NEK11: variants seen among roughly 807,000 people sequenced by gnomAD.
NEK11 encodes serine/threonine-protein kinase Nek11.
A neutral mutation model predicts 80.7 loss-of-function variants in NEK11; 72 were observed. The observed-to-expected ratio is 0.89, with a 90% CI of 0.74 to 1.08. The LOEUF (loss-of-function observed/expected upper bound fraction) is 1.08. NEK11 is among the 50% of genes least tolerant of loss of function. The probability of loss-of-function intolerance (pLI) is 0.00; values close to 1 mark genes in which losing one functional copy is unlikely to be tolerated. For missense variants in NEK11, 764 were observed against 763.6 expected (o/e 1.00, Z -0.01); for synonymous variants, 251 against 260.7 (o/e 0.96, Z 0.36).
chr3:131,084,183 C>T (rs1468106281), intron 4 of NEK11, among the ~76,000 whole-genome samples: 2 of 152,330 alleles, frequency 1.3e-5, no homozygotes, highest in East Asian at 1.9e-4. Context: ...CTTTATCTCT[C>T]ATGGTACAAA....
chr3:131,171,365 T>G (rs2092682258), intron 14 of NEK11, among the ~76,000 whole-genome samples: 1 of 152,200 alleles, frequency 6.6e-6, no homozygotes, highest in African/African-American at 2.4e-5. Context: ...TGGCTGACTT[T>G]GCTAGAGGAC....
chr3:131,288,450 C>CTTTCTTTCTTTCTTTCT lies in NEK11; in HGVS notation c.1718+14879_1718+14880insCTTTCTTTCTTTCTTTT, dbSNP rs536834704. Among the ~76,000 whole-genome samples the CTTTCTTTCTTTCTTTCT allele has an allele frequency of 1.8e-3, 213 of 115,392 alleles. 3 individuals are homozygous for CTTTCTTTCTTTCTTTCT. The highest frequency in any genetic ancestry group is 4.5e-3 in the South Asian group (14 of 3,144). 75.7% of individuals were successfully genotyped at this position (115,392 alleles called of 152,430 possible). On this transcript the variant is annotated intron_variant, in intron 17 of 17. Transcript: ENST00000383366. ...TTATATGGTATGCATTTCTTTCTTT[C>CTTTCTTTCTTTCTTTCT]TTTTTTTTTTTTTTTTTTTGAGACG...
At chr3:131,175,762 A>T (rs1425288857) in intron 14 of NEK11, among the ~76,000 whole-genome samples, 4 of 152,230 alleles carry the variant, frequency 2.6e-5, no homozygotes, top group African/African-American at 9.6e-5. Context: ...TATATAAATT[A>T]TACCTAAATA....
At chr3:131,236,567 G>C (rs1036351417) in intron 15 of NEK11, among the ~76,000 whole-genome samples, 1 of 152,172 alleles carries the variant, frequency 6.6e-6, no homozygotes, top group African/African-American at 2.4e-5. Flanking sequence ...CAAGGCATTA[G>C]CAGTGAAATG....
intron 17 of NEK11, among the ~76,000 whole-genome samples, chr3:131,340,016 G>A (rs1419565577): frequency 6.6e-6 from 1 of 152,278 alleles, no homozygotes; most frequent in East Asian, 1.9e-4. Flanking sequence ...GGAAACTAAA[G>A]AGACATGACA....
intron 17 of NEK11, among the ~76,000 whole-genome samples, chr3:131,332,124 G>A (rs546653436): frequency 9.2e-5 from 14 of 152,328 alleles, no homozygotes; most frequent in African/African-American, 3.4e-4. Context: ...GGTTCTCCCA[G>A]CATGCAGCTG....
At position 131,211,820 on chromosome 3, in the gene NEK11, A is replaced by G. The variant is rs142127571; in HGVS notation, c.1400-16708A>G. On this transcript the variant is annotated intron_variant, in intron 14 of 17. Transcript: ENST00000383366. ...TTGTGCCATGGTTTTCATCTCCCTCAGGCCGTTTAATGTCTTCTCTACACT... is the reference window on the plus strand; with the variant it reads ...TTGTGCCATGGTTTTCATCTCCCTCGGGCCGTTTAATGTCTTCTCTACACT... Among the ~76,000 whole-genome samples the G allele has an allele frequency of 4.8e-3, 726 of 152,152 alleles. 10 individuals are homozygous for G. Among genetic ancestry groups the G allele is most frequent in the African/African-American group, 0.017 (700 of 41,504 alleles).
intron 3 of NEK11, among the ~76,000 whole-genome samples, chr3:131,054,790 A>AAATG (rs55655902): frequency 2.4e-3 from 334 of 136,802 alleles, no homozygotes; most frequent in Admixed American, 3.9e-3. Context: ...ATAAATAAAT[A>AAATG]AATGAATGAA....
At chr3:131,332,636 A>C (rs1018849175) in intron 17 of NEK11, among the ~76,000 whole-genome samples, 5 of 152,276 alleles carry the variant, frequency 3.3e-5, no homozygotes, top group Non-Finnish European at 7.3e-5. Flanking sequence ...TGACGAGCTG[A>C]GAGAAGAAGG....
intron 4 of NEK11, among the ~76,000 whole-genome samples, chr3:131,099,634 C>T (rs1176780765): frequency 6.6e-6 from 1 of 152,046 alleles, no homozygotes; most frequent in Non-Finnish European, 1.5e-5. Flanking sequence ...AGTGTCATCA[C>T]TGATTTCTTT....
chr3:131,143,838 C>G (rs1009027915), intron 7 of NEK11, among the ~76,000 whole-genome samples: 1 of 152,104 alleles, frequency 6.6e-6, no homozygotes, highest in Non-Finnish European at 1.5e-5. Context: ...TAAAGACTTT[C>G]ATTTAGGGTG....
chr3:131,113,723 C>T (rs1474799861), intron 5 of NEK11, among the ~76,000 whole-genome samples: 5 of 151,866 alleles, frequency 3.3e-5, no homozygotes, highest in African/African-American at 9.7e-5. Flanking sequence ...CTAGCCTGGC[C>T]GACATAGTGA....
At position 131,162,417 on chromosome 3, in the gene NEK11, G is replaced by T. The variant is rs753970730; in HGVS notation, c.972G>T (p.Arg324Ser). The T allele has an allele frequency of 9.3e-6, 15 of 1,613,436 alleles. No individual in the cohort carries two copies. The highest frequency in any genetic ancestry group is 1.1e-5 in the Non-Finnish European group (13 of 1,179,778). ...TCTTTGTTATTTATAGGCAAAAAAG[G>T]ATCCACCTGCAGACTCTGAGGGCAC... ...AAHIINAMQKRIHLQTLRALS... is the reference protein window; with the variant it reads ...AAHIINAMQKSIHLQTLRALS... Residue 324 changes from arginine to serine, a missense_variant, in exon 11 of 18, where the codon AGG becomes AGT. Coordinates refer to ENST00000383366, the MANE Select transcript of NEK11 (RefSeq NM_024800.5).
At position 131,323,875 on chromosome 3, in the gene NEK11, A is replaced by G. The variant is rs947560275; in HGVS notation, c.1719-25682A>G. 3.5e-4 allele frequency among the ~76,000 whole-genome samples: 53 copies of G among 152,146 alleles called. 1 individual carries two copies. Among genetic ancestry groups the G allele is most frequent in the Non-Finnish European group, 6.3e-4 (43 of 68,030 alleles). On this transcript the variant is annotated intron_variant, in intron 17 of 17. Transcript: ENST00000383366. ...TATTGTGCAAACCAAGGCACTTTTG[A>G]GAGTAGATTGGGCAGCCATTGGTTA...
intron 14 of NEK11, among the ~76,000 whole-genome samples, chr3:131,196,541 C>CT (rs201876036): frequency 0.05 from 7,458 of 148,262 alleles, 267 homozygotes; most frequent in Non-Finnish European, 0.079. Flanking sequence ...TTTCCTTTTT[C>CT]TTTTTTTTTT....
chr3:131,208,024 T>C (rs1473161332), intron 14 of NEK11, among the ~76,000 whole-genome samples: 1 of 152,084 alleles, frequency 6.6e-6, no homozygotes, highest in Non-Finnish European at 1.5e-5. Flanking sequence ...GGTGTTTTAG[T>C]TATGAAGTCC....
intron 16 of NEK11, among the ~76,000 whole-genome samples, chr3:131,258,449 C>A (rs1368839621): frequency 6.6e-6 from 1 of 152,170 alleles, no homozygotes; most frequent in Non-Finnish European, 1.5e-5. Context: ...GTTTTTAAAG[C>A]TAAATTTCTT....
At chr3:131,080,747 T>A (rs1342353519) in intron 4 of NEK11, among the ~76,000 whole-genome samples, 159 bp downstream of exon 4, 2 of 152,202 alleles carry the variant, frequency 1.3e-5, no homozygotes, top group African/African-American at 4.8e-5. Flanking sequence ...TATCTGTAGA[T>A]AATTGACAAA....
chr3:131,288,868 G>A (rs2096510337), intron 17 of NEK11, among the ~76,000 whole-genome samples: 1 of 152,150 alleles, frequency 6.6e-6, no homozygotes, highest in African/African-American at 2.4e-5. Flanking sequence ...TATAATATAT[G>A]TTCTTTTAGG....
Sources: allele counts gnomAD v4.1 joint callset (sites outside exome capture counted in the v4.1 genomes callset), GRCh38; gene constraint gnomAD v4.1.1; transcripts MANE v1.5; gene names NCBI Gene and HGNC (gene_info 2026-07-23, HGNC 2026-07-21).